The following ESYT2 variants were observed in gnomAD, a reference collection of about 807,000 sequenced individuals.
ESYT2 encodes extended synaptotagmin 2, also known as extended synaptotagmin-2.
In ESYT2, 54 loss-of-function variants were observed where a neutral mutation model predicts 107.2. The observed-to-expected ratio is 0.50, with a 90% CI of 0.40 to 0.63. ESYT2 has a LOEUF of 0.63. Ranked by LOEUF, ESYT2 falls within the 30% of genes least tolerant of loss-of-function variation. ESYT2 has a pLI of 0.00. For synonymous variants in ESYT2, 491 were observed against 434.1 expected, an observed-to-expected ratio of 1.13 and a Z score of -1.63; for missense variants, 1,020 against 1,094.5, an observed-to-expected ratio of 0.93 and a Z score of 0.96.
intron 1 of ESYT2, among the ~76,000 whole-genome samples, chr7:158,800,679 T>C (rs1223021413): frequency 6.6e-6 from 1 of 152,050 alleles, no homozygotes; most frequent in Non-Finnish European, 1.5e-5. Flanking sequence ...TGTGAGCCAC[T>C]GTGCCCAGTC....
chr7:158,734,440 G>A lies in ESYT2; in HGVS notation c.2537C>T (p.Ala846Val), dbSNP rs989419824. 6.2e-7 allele frequency: 1 copy of A among 1,613,960 alleles called. No homozygotes were observed. Among genetic ancestry groups the A allele is most frequent in the Non-Finnish European group, 8.5e-7 (1 of 1,179,934 alleles). ...VLVALASEEL[A>V]KGWTQWYDLT... Reference sequence around the variant, plus strand: ...CACTCACCACTGGGTCCAGCCTTTGGCAAGTTCTTCAGATGCCAGAGCAAC... The same window carrying A: ...CACTCACCACTGGGTCCAGCCTTTGACAAGTTCTTCAGATGCCAGAGCAAC... The change falls in exon 22 of 23, where the codon GCC becomes GTC. Residue 846 changes from alanine to valine, a missense_variant. Physicochemically the swap from Ala to Val is moderately conservative, Grantham distance 64 (BLOSUM62 0). Coordinates refer to ENST00000275418, the MANE Select transcript of ESYT2 (RefSeq NM_001367773.1).
chr7:158,739,215 C>A lies in ESYT2; in HGVS notation c.2169-94G>T, dbSNP rs61237358. On this transcript the variant is annotated intron_variant, in intron 18 of 22. Coordinates refer to ENST00000275418, the MANE Select transcript of ESYT2 (RefSeq NM_001367773.1). Reference sequence around the variant, plus strand: ...TGTACACGATAAAATAATTTCTATTCATTTAGACAAAAAGAAGTCAAATTA... The same window carrying A: ...TGTACACGATAAAATAATTTCTATTAATTTAGACAAAAAGAAGTCAAATTA... 2.5e-4 allele frequency: 270 copies of A among 1,078,726 alleles called. 2 individuals are homozygous for A. In the East Asian group the frequency reaches 6.5e-3, roughly 26 times the overall value. 66.8% of individuals were successfully genotyped at this position (1,078,726 alleles called of 1,614,324 possible).
chr7:158,810,683 G>C (rs1405567295), intron 1 of ESYT2, among the ~76,000 whole-genome samples: 2 of 145,236 alleles, frequency 1.4e-5, no homozygotes, highest in African/African-American at 2.6e-5. Context: ...CCCTGTCTTG[G>C]GGGGGAAAAA....
chr7:158,788,480 A>G (rs1202396666), intron 4 of ESYT2, 63 bp from the exon 5 acceptor site: 1 of 1,341,296 alleles, frequency 7.5e-7, no homozygotes, highest in African/African-American at 1.5e-5. Flanking sequence ...ATCATTATAG[A>G]CCTGCAAGAT....
chr7:158,782,386 GTAAGAA>G (rs1838911278), intron 6 of ESYT2, among the ~76,000 whole-genome samples: 1 of 1,444 alleles, frequency 6.9e-4, no homozygotes, highest in Non-Finnish European at 1.6e-3. Context: ...ACAAAGTGAG[GTAAGAA>G]CGAGAACAAG....
Position 158,829,209 on chromosome 7 carries a change from G to A in ESYT2, c.210C>T (p.Leu70=), listed in dbSNP as rs1187957322. The A allele has an allele frequency of 2.6e-6, 4 of 1,530,434 alleles. No homozygotes were observed. Among genetic ancestry groups the A allele is most frequent in the Non-Finnish European group, 1.7e-6 (2 of 1,146,222 alleles). The allele number at this position is 1,530,434 out of a possible 1,614,324, so 94.8% of individuals were successfully genotyped here. A position where few individuals can be genotyped will look rare whatever the true frequency, so the allele number is the denominator to read the frequency against. The change falls in exon 1 of 23, where the codon CTC becomes CTT. Residue 70 remains leucine (L), a synonymous_variant. Coordinates refer to ENST00000275418, the MANE Select transcript of ESYT2 (RefSeq NM_001367773.1). ...FSWVLLALAL[L]AWCRRSRGLK... is the part of the protein sequence containing the mutation. ...GGCCGCGGCTGCGGCGACACCAGGCGAGCAGCGCGAGCGCGAGGAGAACCC... is the reference window on the plus strand; with the variant it reads ...GGCCGCGGCTGCGGCGACACCAGGCAAGCAGCGCGAGCGCGAGGAGAACCC...
intron 1 of ESYT2, among the ~76,000 whole-genome samples, chr7:158,805,701 ATC>A (rs1839806045): frequency 6.6e-6 from 1 of 152,206 alleles, no homozygotes; most frequent in African/African-American, 2.4e-5. Flanking sequence ...TTAAAAATCC[ATC>A]TGTTTAAGGT....
intron 6 of ESYT2, among the ~76,000 whole-genome samples, chr7:158,783,207 T>C (rs931079827): frequency 2.0e-5 from 3 of 152,070 alleles, no homozygotes; most frequent in African/African-American, 7.2e-5. Context: ...CGGAAAACAA[T>C]GTCAGGTTTC....
At chr7:158,787,924 C>T (rs1839163938) in intron 6 of ESYT2, 80 bp downstream of exon 6, 2 of 1,195,794 alleles carry the variant, frequency 1.7e-6, no homozygotes, top group East Asian at 2.3e-5. Context: ...AATTTTGTTT[C>T]TCCACTTTAT....
intron 9 of ESYT2, among the ~76,000 whole-genome samples, chr7:158,764,324 A>G (rs936444186): frequency 1.4e-4 from 22 of 152,226 alleles, no homozygotes; most frequent in African/African-American, 5.1e-4. Context: ...AAAAGCTTGC[A>G]AGGAGGTATA....
Position 158,734,146 on chromosome 7 carries a change from G to T in ESYT2, c.*61C>A. The T allele has an allele frequency of 6.5e-7, 1 of 1,546,254 alleles. No homozygotes were observed. Among genetic ancestry groups the T allele is most frequent in the Non-Finnish European group, 8.9e-7 (1 of 1,119,788 alleles). Reference sequence around the variant, plus strand: ...AAATAACATTGGTACGTCTGTGAGAGGGTGTGTTCCGGGTAGAGGTGGAGA... The same window carrying T: ...AAATAACATTGGTACGTCTGTGAGATGGTGTGTTCCGGGTAGAGGTGGAGA... On this transcript the variant is annotated 3_prime_UTR_variant, in exon 23 of 23. Transcript: ENST00000275418.
rs1384894512 is a variant in ESYT2, at chr7:158,733,787, AATAT to A, written c.*416_*419del. On this transcript the variant is annotated 3_prime_UTR_variant, in exon 23 of 23. Coordinates refer to ENST00000275418, the MANE Select transcript of ESYT2 (RefSeq NM_001367773.1). ...ACGAATTTAATAAGTTTTAGAAGAA[AATAT>A]ATATATTTCCTTGATCTATTTCCTT... is the stretch of plus-strand genomic sequence containing the variant. 2.0e-5 allele frequency: 3 copies of A among 153,640 alleles called. No individual in the cohort carries two copies. Among genetic ancestry groups the A allele is most frequent in the African/African-American group, 7.2e-5 (3 of 41,494 alleles). 9.5% of individuals were successfully genotyped at this position (153,640 alleles called of 1,614,324 possible).
chr7:158,809,158 A>C (rs1352738983), intron 1 of ESYT2, among the ~76,000 whole-genome samples: 2 of 152,012 alleles, frequency 1.3e-5, no homozygotes, highest in African/African-American at 4.8e-5. Flanking sequence ...ACTTTGGATC[A>C]CATTAAGCCA....
intron 6 of ESYT2, among the ~76,000 whole-genome samples, chr7:158,780,315 T>G (rs1201390368): frequency 6.6e-6 from 1 of 152,198 alleles, no homozygotes; most frequent in Non-Finnish European, 1.5e-5. Flanking sequence ...TGGAAATCCC[T>G]TTGAGCAATT....
At chr7:158,820,780 T>C (rs1254847119) in intron 1 of ESYT2, among the ~76,000 whole-genome samples, 1 of 152,126 alleles carries the variant, frequency 6.6e-6, no homozygotes, top group Non-Finnish European at 1.5e-5. Context: ...AGCAAAACCT[T>C]GTGTCAAAAA....
chr7:158,790,922 T>C (rs886519589), intron 4 of ESYT2, among the ~76,000 whole-genome samples: 2 of 152,138 alleles, frequency 1.3e-5, no homozygotes, highest in South Asian at 4.1e-4. Flanking sequence ...AGTGAGACTC[T>C]GTCTCAAAAT....
chr7:158,763,193 T>G, intron 9 of ESYT2, 28 bp from the exon 10 acceptor site: 1 of 1,570,322 alleles, frequency 6.4e-7, no homozygotes, highest in Non-Finnish European at 8.7e-7. Context: ...AGTAGTTAAG[T>G]GCATTTTTAC....
At chr7:158,782,004 AGT>A (rs967050313) in intron 6 of ESYT2, among the ~76,000 whole-genome samples, 13 of 150,728 alleles carry the variant, frequency 8.6e-5, no homozygotes, top group East Asian at 7.9e-4. Flanking sequence ...TACGAGAACA[AGT>A]GTGTGAACAA....
chr7:158,738,774 T>C lies in ESYT2; in HGVS notation c.2267+249A>G, dbSNP rs184535534. On this transcript the variant is annotated intron_variant, in intron 19 of 22. Coordinates refer to ENST00000275418, the MANE Select transcript of ESYT2 (RefSeq NM_001367773.1). ...AGCCATATTTGTGTATTTAAACACATAAAAGGTACAGTAAAAATACAGTAT... is the reference window on the plus strand; with the variant it reads ...AGCCATATTTGTGTATTTAAACACACAAAAGGTACAGTAAAAATACAGTAT... Among the ~76,000 whole-genome samples the C allele has an allele frequency of 9.8e-5, 15 of 152,314 alleles. No homozygotes were observed. The East Asian group carries it at 2.5e-3, about 25-fold the overall frequency.
Sources: allele counts gnomAD v4.1 joint callset (sites outside exome capture counted in the v4.1 genomes callset), GRCh38; gene constraint gnomAD v4.1.1; transcripts MANE v1.5; gene names NCBI Gene and HGNC (gene_info 2026-07-23, HGNC 2026-07-21).